ST6GALNAC5: variants seen among roughly 807,000 people sequenced by gnomAD.
ST6GALNAC5 encodes ST6 N-acetylgalactosaminide alpha-2,6-sialyltransferase 5, also known as alpha-N-acetylgalactosaminide alpha-2,6-sialyltransferase 5.
Under a neutral mutation model 33.6 loss-of-function variants are expected in ST6GALNAC5, and 27 were observed. That is an observed-to-expected ratio of 0.80 (90% CI 0.59 to 1.11). The LOEUF (loss-of-function observed/expected upper bound fraction) is 1.11. Ranked by LOEUF, ST6GALNAC5 falls within the 50% of genes least tolerant of loss-of-function variation. ST6GALNAC5 has a pLI of 0.00. For missense variants in ST6GALNAC5, 428 were observed against 454.0 expected (o/e 0.94, Z 0.52); for synonymous variants, 194 against 171.2 (o/e 1.13, Z -1.04).
chr1:77,064,871 C>T lies in ST6GALNAC5; in HGVS notation c.*1665C>T, dbSNP rs1338418838. The T allele has an allele frequency of 6.6e-6, 1 of 152,090 alleles. No homozygotes were observed. The highest frequency in any genetic ancestry group is 1.9e-4 in the East Asian group (1 of 5,198). 9.4% of individuals were successfully genotyped at this position (152,090 alleles called of 1,614,324 possible). A position where few individuals can be genotyped will look rare whatever the true frequency, so the allele number is the denominator to read the frequency against. ...CGCATTACCACTTCTTTTCCCTTTT[C>T]TTAATTAGTACACTAACTAGTACTA... is the stretch of plus-strand genomic sequence containing the variant. On this transcript the variant is annotated 3_prime_UTR_variant, in exon 5 of 5. Coordinates refer to ENST00000477717, the MANE Select transcript of ST6GALNAC5 (RefSeq NM_030965.3).
At chr1:76,914,762 A>G (rs1423549424) in intron 2 of ST6GALNAC5, among the ~76,000 whole-genome samples, 1 of 152,170 alleles carries the variant, frequency 6.6e-6, no homozygotes, top group African/African-American at 2.4e-5. Flanking sequence ...AGGCATTACC[A>G]TTCAGGACAT....
chr1:76,894,754 T>C (rs913932342), intron 2 of ST6GALNAC5, among the ~76,000 whole-genome samples: 6 of 152,272 alleles, frequency 3.9e-5, no homozygotes, highest in African/African-American at 1.2e-4. Flanking sequence ...AGGGTAAGTA[T>C]TGAAATCTGT....
chr1:77,027,405 G>T (rs946672757), intron 2 of ST6GALNAC5, among the ~76,000 whole-genome samples: 1 of 152,158 alleles, frequency 6.6e-6, no homozygotes, highest in African/African-American at 2.4e-5. Context: ...TACTGTGTGT[G>T]TTGAAAACTG....
intron 2 of ST6GALNAC5, among the ~76,000 whole-genome samples, chr1:76,874,737 C>A (rs2100914197): frequency 6.6e-6 from 1 of 152,202 alleles, no homozygotes; most frequent in African/African-American, 2.4e-5. Flanking sequence ...ATGTTAATCC[C>A]TTTTGGCAAC....
intron 2 of ST6GALNAC5, among the ~76,000 whole-genome samples, chr1:76,981,067 C>T (rs966664142): frequency 3.9e-5 from 6 of 152,148 alleles, no homozygotes; most frequent in Non-Finnish European, 5.9e-5. Flanking sequence ...CATCTCCCAG[C>T]GTGATCAACA....
chr1:76,867,606 G>C lies in ST6GALNAC5; in HGVS notation c.-70G>C. The C allele has an allele frequency of 6.2e-7, 1 of 1,613,730 alleles. No homozygotes were observed. On this transcript the variant is annotated 5_prime_UTR_variant, in exon 1 of 5. It removes an upstream start codon present in the reference 5' UTR. Transcript: ENST00000477717. ...CCGCCTCCGCCCCATTACCCATCAT[G>C]GAAACCCTCCAGGAAAAAGTGGCCC... is the stretch of plus-strand genomic sequence containing the variant.
chr1:76,923,771 T>C (rs766205252), intron 2 of ST6GALNAC5, among the ~76,000 whole-genome samples: 3 of 152,090 alleles, frequency 2.0e-5, no homozygotes, highest in Admixed American at 6.6e-5. Context: ...TTAGATCTCA[T>C]GGATTTGCAG....
At chr1:76,932,001 C>T (rs1203963850) in intron 2 of ST6GALNAC5, among the ~76,000 whole-genome samples, 2 of 151,988 alleles carry the variant, frequency 1.3e-5, no homozygotes, top group African/African-American at 4.8e-5. Context: ...AAAATGAGAC[C>T]TGAGTTAATT....
intron 2 of ST6GALNAC5, among the ~76,000 whole-genome samples, chr1:76,976,208 T>G (rs1392346819): frequency 6.6e-6 from 1 of 152,218 alleles, no homozygotes; most frequent in Non-Finnish European, 1.5e-5. Flanking sequence ...ATTCTTGACC[T>G]GGGTAGTATT....
intron 2 of ST6GALNAC5, among the ~76,000 whole-genome samples, chr1:77,010,473 C>T (rs111622627): frequency 3.1e-4 from 47 of 151,800 alleles, no homozygotes; most frequent in African/African-American, 9.2e-4. Context: ...CCAGCCTGGG[C>T]GACAGAGCAA....
chr1:77,005,521 T>C (rs1650371777), intron 2 of ST6GALNAC5, among the ~76,000 whole-genome samples: 1 of 152,196 alleles, frequency 6.6e-6, no homozygotes, highest in South Asian at 2.1e-4. Context: ...TCCTCTCAGG[T>C]TTGGGTTTTT....
intron 2 of ST6GALNAC5, among the ~76,000 whole-genome samples, chr1:76,969,780 C>G (rs554060065): frequency 3.3e-5 from 5 of 152,050 alleles, no homozygotes; most frequent in Admixed American, 6.6e-5. Flanking sequence ...CAGTAGTGGC[C>G]GACTGACACC....
Position 76,935,717 on chromosome 1 carries a change from G to A in ST6GALNAC5, c.261+66975G>A, listed in dbSNP as rs535256886. Among the ~76,000 whole-genome samples, 176 of 152,012 alleles carry A rather than the reference G, an allele frequency of 1.2e-3. 1 individual carries two copies. In the South Asian group the frequency reaches 0.013, roughly 11 times the overall value. Reference sequence around the variant, plus strand: ...CAAAAACTGAAGACCTTTGGCCCTAGCATTTATAGAAAAACACTTGGGATT... The same window carrying A: ...CAAAAACTGAAGACCTTTGGCCCTAACATTTATAGAAAAACACTTGGGATT... On this transcript the variant is annotated intron_variant, in intron 2 of 4. Coordinates refer to ENST00000477717, the MANE Select transcript of ST6GALNAC5 (RefSeq NM_030965.3).
intron 2 of ST6GALNAC5, among the ~76,000 whole-genome samples, chr1:76,970,581 T>C (rs1648706445): frequency 6.6e-6 from 1 of 152,166 alleles, no homozygotes; most frequent in African/African-American, 2.4e-5. Context: ...CTATGTGTGA[T>C]TGGTGTACCT....
intron 2 of ST6GALNAC5, among the ~76,000 whole-genome samples, chr1:76,893,449 A>T (rs1654055288): frequency 6.6e-6 from 1 of 152,170 alleles, no homozygotes. Context: ...ATTTGCTGGC[A>T]GTGATTTTGG....
intron 2 of ST6GALNAC5, among the ~76,000 whole-genome samples, chr1:76,939,350 C>G (rs1311289764): frequency 6.6e-6 from 1 of 152,074 alleles, no homozygotes; most frequent in Non-Finnish European, 1.5e-5. Context: ...CTAATAATAG[C>G]TCTGACAAGA....
At chr1:76,869,497 A>G (rs1653447384) in intron 2 of ST6GALNAC5, among the ~76,000 whole-genome samples, 1 of 152,184 alleles carries the variant, frequency 6.6e-6, no homozygotes, top group Non-Finnish European at 1.5e-5. Context: ...ATATTTTAAT[A>G]CAGTTTAAAT....
In ST6GALNAC5 at chr1:77,066,131, T is replaced by A. The variant is rs916259920; in HGVS notation, c.*2925T>A. Among the ~76,000 whole-genome samples, 1 of 152,190 alleles carries A rather than the reference T, an allele frequency of 6.6e-6. No homozygotes were observed. Among genetic ancestry groups the A allele is most frequent in the African/African-American group, 2.4e-5 (1 of 41,440 alleles). The stretch of plus-strand genomic sequence containing the variant: ...GCTGTGTGATTTCCATTACCGTTAA[T>A]GGGCATTTGGCAACTAAGTCCCTGT... On this transcript the variant is annotated 3_prime_UTR_variant, in exon 5 of 5. Transcript: ENST00000477717.
At chr1:76,990,785 C>T (rs916682576) in intron 2 of ST6GALNAC5, among the ~76,000 whole-genome samples, 6 of 152,182 alleles carry the variant, frequency 3.9e-5, no homozygotes, top group African/African-American at 1.4e-4. Flanking sequence ...AATAAAGGGA[C>T]TACTAATTCA....
Sources: gnomAD v4.1 joint callset for allele counts (sites outside exome capture counted in the v4.1 genomes callset) on GRCh38, gnomAD v4.1.1 for gene constraint, MANE v1.5 for transcripts, NCBI Gene and HGNC (gene_info 2026-07-23, HGNC 2026-07-21) for gene names.